MAP3K20: variants seen among roughly 807,000 people sequenced by gnomAD.
The protein encoded by MAP3K20 is HCCS-4.
A neutral mutation model predicts 85.7 loss-of-function variants in MAP3K20; 40 were observed. That is an observed-to-expected ratio of 0.47 (90% CI 0.36 to 0.61). The LOEUF is 0.61. Ranked by LOEUF, MAP3K20 falls within the 20% of genes least tolerant of loss-of-function variation. The pLI, the probability that MAP3K20 is intolerant of heterozygous loss-of-function variation, is 0.00. For synonymous variants in MAP3K20, 325 were observed against 327.7 expected, an observed-to-expected ratio of 0.99 and a Z score of 0.09; for missense variants, 817 against 961.7, an observed-to-expected ratio of 0.85 and a Z score of 1.99.
intron 3 of MAP3K20, among the ~76,000 whole-genome samples, chr2:173,180,571 A>G (rs6733243): frequency 0.99 from 150,782 of 152,278 alleles, 74,667 homozygotes; most frequent in Middle Eastern, 1. Context: ...AGCTACTAGA[A>G]AGGCTGAGGT....
At chr2:173,231,250 T>TGTA (rs1466703744) in intron 12 of MAP3K20, among the ~76,000 whole-genome samples, 1 of 152,198 alleles carries the variant, frequency 6.6e-6, no homozygotes, top group East Asian at 1.9e-4. Context: ...CTCTGCCCTT[T>TGTA]GTATTCTTTT....
intron 2 of MAP3K20, among the ~76,000 whole-genome samples, chr2:173,124,678 T>C (rs1416051427): frequency 6.6e-6 from 1 of 152,172 alleles, no homozygotes; most frequent in Non-Finnish European, 1.5e-5. Context: ...TGCTGGGGTG[T>C]CCAGGAAACT....
At chr2:173,223,071 T>A (rs939801823) in intron 11 of MAP3K20, 2 of 985,334 alleles carry the variant, frequency 2.0e-6, no homozygotes, top group African/African-American at 3.5e-5. Flanking sequence ...ATTAAAAGCC[T>A]CTTGGAATTT....
chr2:173,236,920 T>A (rs1333586402), intron 14 of MAP3K20, among the ~76,000 whole-genome samples: 1 of 152,134 alleles, frequency 6.6e-6, no homozygotes, highest in Non-Finnish European at 1.5e-5. Context: ...TTCTTTGTGC[T>A]TTCACTGAGG....
chr2:173,118,439 A>G (rs1279941808), intron 2 of MAP3K20, among the ~76,000 whole-genome samples: 1 of 152,116 alleles, frequency 6.6e-6, no homozygotes, highest in Non-Finnish European at 1.5e-5. Context: ...GCAGGTAAAA[A>G]CTGTAACATA....
chr2:173,232,053 G>A, intron 12 of MAP3K20, 139 bp from the exon 13 acceptor site: 1 of 1,070,894 alleles, frequency 9.3e-7, no homozygotes, highest in Non-Finnish European at 1.4e-6. Flanking sequence ...ACTACAAAGA[G>A]AAAGTCTTCT....
chr2:173,085,889 C>T (rs755465174), intron 1 of MAP3K20, among the ~76,000 whole-genome samples: 34 of 137,072 alleles, frequency 2.5e-4, no homozygotes, highest in South Asian at 6.9e-4. Flanking sequence ...TCTGCCTCTA[C>T]GGTTCGAGCA....
chr2:173,203,688 C>A, intron 8 of MAP3K20, 108 bp from the exon 9 acceptor site: 1 of 835,982 alleles, frequency 1.2e-6, no homozygotes. Flanking sequence ...AATTTCATGC[C>A]TTATGTTCTT....
chr2:173,089,183 T>A (rs1372818445), intron 1 of MAP3K20, among the ~76,000 whole-genome samples: 3 of 147,804 alleles, frequency 2.0e-5, no homozygotes, highest in African/African-American at 2.5e-5. Context: ...CCTTTTTATT[T>A]AAAAAAAAAA....
intron 2 of MAP3K20, among the ~76,000 whole-genome samples, chr2:173,163,105 G>T (rs114533530): frequency 6.6e-6 from 1 of 152,134 alleles, no homozygotes; most frequent in Admixed American, 6.5e-5. Context: ...TACATAAATG[G>T]AATACAAAAG....
intron 11 of MAP3K20, chr2:173,226,069 T>C (rs1355208265): frequency 1.0e-6 from 1 of 985,264 alleles, no homozygotes; most frequent in Non-Finnish European, 1.2e-6. Flanking sequence ...TTTTTGGTGC[T>C]CTGGAAATGT....
At chr2:173,109,054 G>A (rs941224197) in intron 2 of MAP3K20, among the ~76,000 whole-genome samples, 1 of 152,170 alleles carries the variant, frequency 6.6e-6, no homozygotes, top group Admixed American at 6.5e-5. Flanking sequence ...CTCCTAGAAT[G>A]TCATTGATGG....
intron 1 of MAP3K20, among the ~76,000 whole-genome samples, chr2:173,088,339 G>C (rs1175189700): frequency 6.6e-6 from 1 of 152,220 alleles, no homozygotes; most frequent in Non-Finnish European, 1.5e-5. Flanking sequence ...AAATGTTACA[G>C]TACGGTTGGA....
At chr2:173,204,608 G>C (rs150837722) in intron 9 of MAP3K20, among the ~76,000 whole-genome samples, 1 of 152,088 alleles carries the variant, frequency 6.6e-6, no homozygotes, top group Non-Finnish European at 1.5e-5. Context: ...AAAGACTCTC[G>C]CATACATATG....
chr2:173,090,577 T>C, intron 1 of MAP3K20: 1 of 977,612 alleles, frequency 1.0e-6, no homozygotes, highest in Non-Finnish European at 1.2e-6. Flanking sequence ...GTGAAGTGAG[T>C]GCAGCGTGGA....
At chr2:173,104,123 C>T (rs1687716651) in intron 2 of MAP3K20, among the ~76,000 whole-genome samples, 2 of 152,134 alleles carry the variant, frequency 1.3e-5, no homozygotes, top group South Asian at 4.1e-4. Context: ...TGATTCATTT[C>T]CAAAGATTCA....
At chr2:173,156,523 G>A (rs1166073031) in intron 2 of MAP3K20, among the ~76,000 whole-genome samples, 1 of 152,084 alleles carries the variant, frequency 6.6e-6, no homozygotes, top group African/African-American at 2.4e-5. Flanking sequence ...GCGGTGGTGG[G>A]GGATGGTTTC....
intron 3 of MAP3K20, among the ~76,000 whole-genome samples, chr2:173,173,561 G>A (rs763710022): frequency 1.9e-4 from 29 of 152,140 alleles, no homozygotes; most frequent in Non-Finnish European, 3.8e-4. Context: ...TAATTTTTAA[G>A]TGCCCAATCT....
At chr2:173,227,594 T>C (rs1481458925) in intron 11 of MAP3K20, among the ~76,000 whole-genome samples, 3 of 152,220 alleles carry the variant, frequency 2.0e-5, no homozygotes, top group African/African-American at 7.2e-5. Flanking sequence ...GGCATCGTAT[T>C]GGAGAACCAT....
Sources: allele counts gnomAD v4.1 joint callset (sites outside exome capture counted in the v4.1 genomes callset), GRCh38; gene constraint gnomAD v4.1.1; transcripts MANE v1.5; gene names NCBI Gene and HGNC (gene_info 2026-07-23, HGNC 2026-07-21).